The following PTPRN2 variants were observed in gnomAD, a reference collection of about 807,000 sequenced individuals.
PTPRN2 encodes receptor-type tyrosine-protein phosphatase N2.
A neutral mutation model predicts 118.8 loss-of-function variants in PTPRN2; 74 were observed. The ratio of observed to expected loss-of-function variants is 0.62; its 90% CI spans 0.52 to 0.76. The LOEUF is 0.76. Among genes scored for constraint, PTPRN2 ranks in the 30% least tolerant of loss-of-function variants. The probability of loss-of-function intolerance (pLI) is 0.00; values close to 1 mark genes in which losing one functional copy is unlikely to be tolerated. For synonymous variants in PTPRN2, 641 were observed against 608.0 expected (o/e 1.05, Z -0.80); for missense variants, 1,481 against 1,394.4 (o/e 1.06, Z -0.99).
chr7:158,370,322 G>T (rs754594156), intron 2 of PTPRN2, among the ~76,000 whole-genome samples: 4 of 152,184 alleles, frequency 2.6e-5, no homozygotes, highest in Non-Finnish European at 5.9e-5. Flanking sequence ...TGTAGTCCCA[G>T]TTACTCGAGA....
At chr7:158,291,841 T>A (rs1304154840) in intron 3 of PTPRN2, among the ~76,000 whole-genome samples, 1 of 152,164 alleles carries the variant, frequency 6.6e-6, no homozygotes, top group Admixed American at 6.5e-5. Context: ...ACAAGAAAGT[T>A]TAACTCAAGA....
At chr7:158,098,671 A>C (rs1585428956) in intron 10 of PTPRN2, among the ~76,000 whole-genome samples, 1 of 152,074 alleles carries the variant, frequency 6.6e-6, no homozygotes, top group Middle Eastern at 3.4e-3. Context: ...TTTTGCTGAG[A>C]CTCTGTGAAG....
chr7:158,081,458 G>A, intron 10 of PTPRN2, 81 bp from the exon 11 acceptor site: 5 of 1,390,680 alleles, frequency 3.6e-6, no homozygotes, highest in Non-Finnish European at 5.1e-6. Context: ...GGAAAACACT[G>A]GTGTGTTTTT....
chr7:157,692,989 G>C (rs961728114), intron 12 of PTPRN2, among the ~76,000 whole-genome samples: 1 of 151,986 alleles, frequency 6.6e-6, no homozygotes, highest in Non-Finnish European at 1.5e-5. Context: ...ACCCTCCTCC[G>C]GTGCCTCGGC....
chr7:158,228,060 C>T (rs550890282), intron 3 of PTPRN2, among the ~76,000 whole-genome samples: 4 of 152,256 alleles, frequency 2.6e-5, no homozygotes, highest in South Asian at 4.1e-4. Flanking sequence ...AAGCTCTATG[C>T]GTATTCAAAG....
intron 9 of PTPRN2, among the ~76,000 whole-genome samples, chr7:158,113,026 C>A (rs1816418634): frequency 6.6e-6 from 1 of 151,000 alleles, no homozygotes; most frequent in Non-Finnish European, 1.5e-5. Context: ...GGCCCCCCGG[C>A]ATTTAGGGCC....
chr7:158,387,910 T>G (rs1277286528), intron 2 of PTPRN2, among the ~76,000 whole-genome samples: 1 of 152,136 alleles, frequency 6.6e-6, no homozygotes, highest in Non-Finnish European at 1.5e-5. Context: ...CCCCAATCGG[T>G]GAGCTAATGC....
chr7:158,380,641 C>T (rs1262873378), intron 2 of PTPRN2, among the ~76,000 whole-genome samples: 3 of 152,182 alleles, frequency 2.0e-5, no homozygotes, highest in Non-Finnish European at 4.4e-5. Flanking sequence ...GTAGATCTAC[C>T]ATTTTGGGGT....
chr7:157,786,154 C>T (rs561135718), intron 12 of PTPRN2, among the ~76,000 whole-genome samples: 104 of 152,306 alleles, frequency 6.8e-4, no homozygotes, highest in African/African-American at 2.1e-3. Flanking sequence ...GCCAGCCCTG[C>T]GTGGGGTTCT....
At chr7:158,510,433 G>A (rs999149942) in intron 1 of PTPRN2, among the ~76,000 whole-genome samples, 1 of 124,948 alleles carries the variant, frequency 8.0e-6, no homozygotes, top group Non-Finnish European at 1.6e-5. Context: ...CACACTAAGT[G>A]TGTGTGTTTA....
At chr7:157,818,622 G>A (rs1379061361) in intron 12 of PTPRN2, among the ~76,000 whole-genome samples, 3 of 152,098 alleles carry the variant, frequency 2.0e-5, no homozygotes, top group Non-Finnish European at 2.9e-5. Context: ...TGAGTGATGA[G>A]GGGCACTGGA....
intron 11 of PTPRN2, among the ~76,000 whole-genome samples, chr7:157,949,198 T>C (rs1457936666): frequency 6.6e-6 from 1 of 152,232 alleles, no homozygotes; most frequent in Non-Finnish European, 1.5e-5. Flanking sequence ...GGTTAGGGAC[T>C]CACGTAGGAT....
At chr7:157,541,896 T>C (rs104685) in intron 22 of PTPRN2, among the ~76,000 whole-genome samples, 132,160 of 152,114 alleles carry the variant, frequency 0.87, 57,585 homozygotes, top group Middle Eastern at 0.93. Context: ...CATATTCTTC[T>C]GCCCTGATGC....
chr7:157,772,967 G>A (rs1276880600), intron 12 of PTPRN2, among the ~76,000 whole-genome samples: 5 of 152,082 alleles, frequency 3.3e-5, no homozygotes, highest in African/African-American at 4.8e-5. Context: ...GGGTACTGGC[G>A]GGGTCTTCCT....
At chr7:158,165,095 G>A (rs956132778) in intron 6 of PTPRN2, among the ~76,000 whole-genome samples, 8 of 152,060 alleles carry the variant, frequency 5.3e-5, no homozygotes, top group African/African-American at 1.4e-4. Flanking sequence ...CCACGAAAGC[G>A]CAGGAGGCAG....
At chr7:157,826,610 G>A (rs1027104942) in intron 12 of PTPRN2, among the ~76,000 whole-genome samples, 3 of 152,156 alleles carry the variant, frequency 2.0e-5, no homozygotes, top group South Asian at 2.1e-4. Context: ...ATTTCCACGC[G>A]TGCTGTGCTA....
At chr7:157,687,062 C>T (rs913812280) in intron 12 of PTPRN2, among the ~76,000 whole-genome samples, 8 of 152,080 alleles carry the variant, frequency 5.3e-5, no homozygotes, top group African/African-American at 1.7e-4. Flanking sequence ...AAGTGTATGA[C>T]CACAGAGACA....
intron 3 of PTPRN2, among the ~76,000 whole-genome samples, chr7:158,313,880 G>A (rs1023346317): frequency 6.6e-6 from 1 of 152,032 alleles, no homozygotes; most frequent in Non-Finnish European, 1.5e-5. Context: ...GGGAATTCGG[G>A]GCCACTAGAT....
chr7:158,035,584 A>G (rs959524164), intron 11 of PTPRN2, among the ~76,000 whole-genome samples: 12 of 152,250 alleles, frequency 7.9e-5, no homozygotes, highest in Non-Finnish European at 4.4e-5. Flanking sequence ...CCTGCCCTGC[A>G]CAAAAGGAAT....
Sources: gnomAD v4.1 joint callset for allele counts (sites outside exome capture counted in the v4.1 genomes callset) on GRCh38, gnomAD v4.1.1 for gene constraint, MANE v1.5 for transcripts, NCBI Gene and HGNC (gene_info 2026-07-23, HGNC 2026-07-21) for gene names.